FAM162A: variants seen among roughly 807,000 people sequenced by gnomAD.
The protein encoded by FAM162A is family with sequence similarity 162 member A.
A neutral mutation model predicts 21.8 loss-of-function variants in FAM162A; 23 were observed. The ratio of observed to expected loss-of-function variants is 1.05; its 90% confidence interval spans 0.76 to 1.49. The LOEUF is 1.49. Ranked by LOEUF, FAM162A falls within the 40% of genes most tolerant of loss-of-function variation. The probability of loss-of-function intolerance (pLI) is 0.00; values close to 1 mark genes in which losing one functional copy is unlikely to be tolerated. For missense variants in FAM162A, 165 were observed against 186.4 expected (o/e 0.89, Z 0.67); for synonymous variants, 53 against 61.3 (o/e 0.86, Z 0.64).
Position 122,409,917 on chromosome 3 carries a change from C to A in FAM162A, c.*86C>A. The A allele has an allele frequency of 8.7e-7, 1 of 1,152,194 alleles. No homozygotes were observed. The highest frequency in any genetic ancestry group is 1.3e-6 in the Non-Finnish European group (1 of 768,668). 71.4% of individuals were successfully genotyped at this position (1,152,194 alleles called of 1,614,324 possible). A position where few individuals can be genotyped will look rare whatever the true frequency, so the allele number is the denominator to read the frequency against. The stretch of plus-strand genomic sequence containing the variant: ...ATTAAAAAGGATGTGGTATGAGGAT[C>A]CATTTCATAAAGTATGATTTGCCCA... On this transcript the variant is annotated 3_prime_UTR_variant, in exon 5 of 5. Coordinates refer to ENST00000477892, the MANE Select transcript of FAM162A (RefSeq NM_014367.4).
chr3:122,394,686 A>G (rs773796557), intron 1 of FAM162A, among the ~76,000 whole-genome samples: 33 of 152,358 alleles, frequency 2.2e-4, no homozygotes, highest in Middle Eastern at 3.4e-3. Context: ...GATGGCTTCA[A>G]TTGTGCATTC....
intron 1 of FAM162A, among the ~76,000 whole-genome samples, chr3:122,392,494 G>A (rs144048335): frequency 0.011 from 1,624 of 152,286 alleles, 18 homozygotes; most frequent in Non-Finnish European, 0.018. Context: ...TTTATGTTAT[G>A]TATATTTAAC....
At chr3:122,409,013 C>T (rs570316789) in intron 4 of FAM162A, among the ~76,000 whole-genome samples, 31 of 152,012 alleles carry the variant, frequency 2.0e-4, no homozygotes, top group Non-Finnish European at 3.1e-4. Context: ...TTTCTCCCCC[C>T]GCTCCCCCAC....
intron 4 of FAM162A, 57 bp downstream of exon 4, chr3:122,407,446 T>A: frequency 7.4e-7 from 1 of 1,357,458 alleles, no homozygotes; most frequent in Non-Finnish European, 1.1e-6. Flanking sequence ...GAACCTAGAG[T>A]AAATCAGGGA....
intron 1 of FAM162A, among the ~76,000 whole-genome samples, chr3:122,399,738 C>G (rs1226555851): frequency 6.6e-6 from 1 of 152,162 alleles, no homozygotes; most frequent in Non-Finnish European, 1.5e-5. Flanking sequence ...AATTTATACT[C>G]CCATCAACAG....
At chr3:122,391,886 A>G (rs2107696225) in intron 1 of FAM162A, among the ~76,000 whole-genome samples, 1 of 152,316 alleles carries the variant, frequency 6.6e-6, no homozygotes, top group African/African-American at 2.4e-5. Flanking sequence ...GCCCATTCCA[A>G]ACACATACTT....
chr3:122,403,786 G>A (rs371414013), intron 2 of FAM162A, among the ~76,000 whole-genome samples: 7 of 152,148 alleles, frequency 4.6e-5, no homozygotes, highest in East Asian at 1.9e-4. Flanking sequence ...TTTCCACTGC[G>A]ACAACTCTGG....
chr3:122,399,123 C>T (rs924039577), intron 1 of FAM162A, among the ~76,000 whole-genome samples: 1 of 152,012 alleles, frequency 6.6e-6, no homozygotes, highest in African/African-American at 2.4e-5. Flanking sequence ...TTGTTGTTCC[C>T]TTCTGTTTGT....
At position 122,408,381 on chromosome 3, in the gene FAM162A, T is replaced by C. The variant is rs147621556; in HGVS notation, c.372+992T>C. Among the ~76,000 whole-genome samples, 206 of 152,344 alleles carry C rather than the reference T, an allele frequency of 1.4e-3. 3 individuals carry two copies. In the East Asian group the frequency reaches 0.035, roughly 26 times the overall value. On this transcript the variant is annotated intron_variant, in intron 4 of 4. Transcript: ENST00000477892. ...ATGTATAATTCTATATATCACAGCT[T>C]CCATGTGGAAAGTGATGTCTTACAA...
At chr3:122,409,091 T>C (rs1035569448) in intron 4 of FAM162A, among the ~76,000 whole-genome samples, 25 of 146,926 alleles carry the variant, frequency 1.7e-4, no homozygotes, top group African/African-American at 6.3e-4. Flanking sequence ...CAGCTTAGGG[T>C]GCTAGTTTCA....
Position 122,396,290 on chromosome 3 carries a change from A to C in FAM162A, c.35-6470A>C, listed in dbSNP as rs996119981. On this transcript the variant is annotated intron_variant, in intron 1 of 4. Coordinates refer to ENST00000477892, the MANE Select transcript of FAM162A (RefSeq NM_014367.4). The stretch of plus-strand genomic sequence containing the variant: ...CATATCAGATAAGGAAAGAACTCTT[A>C]CAACTCAAAAATGAAAAGACATAAC... Among the ~76,000 whole-genome samples the C allele has an allele frequency of 3.9e-5, 6 of 152,188 alleles. No homozygotes were observed. In the South Asian group the frequency reaches 6.2e-4, roughly 16 times the overall value.
chr3:122,408,290 A>G (rs1446328212), intron 4 of FAM162A, among the ~76,000 whole-genome samples: 1 of 152,200 alleles, frequency 6.6e-6, no homozygotes, highest in African/African-American at 2.4e-5. Context: ...ATACTATACT[A>G]TCTTGCTATT....
At chr3:122,405,079 A>G (rs1420541194) in intron 3 of FAM162A, among the ~76,000 whole-genome samples, 3 of 152,268 alleles carry the variant, frequency 2.0e-5, no homozygotes, top group African/African-American at 7.2e-5. Flanking sequence ...GCGGGGTGGG[A>G]ATCTCCCCTG....
At chr3:122,401,654 C>A in intron 1 of FAM162A, 2 of 565,404 alleles carry the variant, frequency 3.5e-6, no homozygotes, top group Non-Finnish European at 2.5e-6. Context: ...AAAAAAATAG[C>A]CATTCTGGCT....
At chr3:122,391,260 T>C (rs1213622330) in intron 1 of FAM162A, among the ~76,000 whole-genome samples, 1 of 152,238 alleles carries the variant, frequency 6.6e-6, no homozygotes, top group Non-Finnish European at 1.5e-5. Context: ...TGGCATGATC[T>C]CAGCTCTCTG....
chr3:122,409,578 A>G (rs370720353), intron 4 of FAM162A, among the ~76,000 whole-genome samples, 161 bp from the exon 5 acceptor site: 5 of 152,218 alleles, frequency 3.3e-5, no homozygotes, highest in South Asian at 2.1e-4. Flanking sequence ...GAAGCGTACG[A>G]GGAAGTTGAA....
intron 3 of FAM162A, among the ~76,000 whole-genome samples, chr3:122,406,242 C>T (rs2075676048): frequency 6.6e-6 from 1 of 152,168 alleles, no homozygotes; most frequent in African/African-American, 2.4e-5. Flanking sequence ...ACATCCCCTG[C>T]CTTGAGGTTC....
rs187944676 is a variant in FAM162A, at chr3:122,387,752, T to G, written c.34+3453T>G. On this transcript the variant is annotated intron_variant, in intron 1 of 4. Transcript: ENST00000477892. The stretch of plus-strand genomic sequence containing the variant: ...TATACTGTGAAGGCTCTAAAATGAA[T>G]GGACTGCCCCACTCCTAGGGCTGAT... Among the ~76,000 whole-genome samples, 4 of 152,276 alleles carry G rather than the reference T, an allele frequency of 2.6e-5. No individual in the cohort carries two copies. In the East Asian group the frequency reaches 7.7e-4, roughly 29 times the overall value.
intron 1 of FAM162A, among the ~76,000 whole-genome samples, chr3:122,396,885 G>A (rs1208636162): frequency 1.3e-5 from 2 of 152,108 alleles, no homozygotes; most frequent in African/African-American, 2.4e-5. Context: ...CATGTTGTAT[G>A]ATTCCATTTA....
Sources: gnomAD v4.1 joint callset for allele counts (sites outside exome capture counted in the v4.1 genomes callset) on GRCh38, gnomAD v4.1.1 for gene constraint, MANE v1.5 for transcripts, NCBI Gene and HGNC (gene_info 2026-07-23, HGNC 2026-07-21) for gene names.